TBCK: variants seen among roughly 807,000 people sequenced by gnomAD.
TBCK encodes the protein TBC1 domain containing kinase.
TBCK carries 99 observed loss-of-function variants against 113.4 expected under a neutral mutation model. The observed-to-expected ratio is 0.87, with a 90% CI of 0.74 to 1.03. The LOEUF is 1.03. TBCK is among the 50% of genes least tolerant of loss of function. The pLI is 0.00. For missense variants in TBCK, 1,045 were observed against 1,061.3 expected (o/e 0.98, Z 0.21); for synonymous variants, 369 against 370.8 (o/e 1.00, Z 0.05).
chr4:106,271,633 T>A (rs1195769953), intron 3 of TBCK, among the ~76,000 whole-genome samples: 2 of 151,388 alleles, frequency 1.3e-5, no homozygotes, highest in Non-Finnish European at 2.9e-5. Flanking sequence ...GAGCCTGTAA[T>A]CCCAGCTACT....
At chr4:106,118,272 T>C (rs1170432515) in intron 23 of TBCK, among the ~76,000 whole-genome samples, 2 of 152,180 alleles carry the variant, frequency 1.3e-5, no homozygotes, top group African/African-American at 4.8e-5. Context: ...TGGTTTTCAA[T>C]TGGAGTTTCA....
chr4:106,242,339 G>A, intron 12 of TBCK, 131 bp downstream of exon 12: 1 of 510,632 alleles, frequency 2.0e-6, no homozygotes. Context: ...ATTCTACTCT[G>A]GGGCACATAT....
In TBCK at chr4:106,241,597, A is replaced by C. The variant is rs544784653; in HGVS notation, c.1170+873T>G. ...CCCAGAAACATATCCATATACATAGAAAAAGTTGGTATTATAGATCAAAAA... is the reference window on the plus strand; with the variant it reads ...CCCAGAAACATATCCATATACATAGCAAAAGTTGGTATTATAGATCAAAAA... On this transcript the variant is annotated intron_variant, in intron 12 of 25. Transcript: ENST00000394708. Among the ~76,000 whole-genome samples the C allele has an allele frequency of 5.4e-4, 82 of 152,128 alleles. 1 individual carries two copies. Among genetic ancestry groups the C allele is most frequent in the Non-Finnish European group, 5.4e-4 (37 of 67,924 alleles).
chr4:106,240,873 G>C (rs796339315), intron 12 of TBCK, among the ~76,000 whole-genome samples: 8 of 152,130 alleles, frequency 5.3e-5, no homozygotes, highest in African/African-American at 1.9e-4. Context: ...ATAGAATCTA[G>C]GTCAGGGATT....
At chr4:106,298,009 T>C (rs1444366308) in intron 2 of TBCK, among the ~76,000 whole-genome samples, 1 of 152,200 alleles carries the variant, frequency 6.6e-6, no homozygotes, top group Admixed American at 6.5e-5. Context: ...TATTCAGGGC[T>C]CAGTTAAATG....
chr4:106,125,594 T>C (rs901909169), intron 23 of TBCK, among the ~76,000 whole-genome samples: 15 of 152,150 alleles, frequency 9.9e-5, no homozygotes, highest in South Asian at 2.1e-4. Context: ...TTAAGTGAAA[T>C]AAGCCAGGCA....
chr4:106,075,867 G>C (rs1312956938), intron 25 of TBCK, among the ~76,000 whole-genome samples: 1 of 152,186 alleles, frequency 6.6e-6, no homozygotes, highest in Non-Finnish European at 1.5e-5. Context: ...GTTTATTTCA[G>C]GTCTTGCTTT....
intron 23 of TBCK, among the ~76,000 whole-genome samples, chr4:106,165,751 G>T (rs958431085): frequency 6.6e-6 from 1 of 151,678 alleles, no homozygotes; most frequent in African/African-American, 2.4e-5. Flanking sequence ...CCCTGCCAGG[G>T]TGGTATTATT....
At chr4:106,271,179 G>C (rs1207555831) in intron 3 of TBCK, among the ~76,000 whole-genome samples, 1 of 152,046 alleles carries the variant, frequency 6.6e-6, no homozygotes, top group East Asian at 1.9e-4. Context: ...TAGACTTTCA[G>C]TTCTCAATAC....
chr4:106,216,162 A>C (rs1756886813), intron 19 of TBCK, among the ~76,000 whole-genome samples: 1 of 151,986 alleles, frequency 6.6e-6, no homozygotes, highest in Non-Finnish European at 1.5e-5. Flanking sequence ...TGTTCTTTGA[A>C]ACCAACGAGA....
At chr4:106,190,902 G>A (rs1392442340) in intron 22 of TBCK, among the ~76,000 whole-genome samples, 9 of 152,050 alleles carry the variant, frequency 5.9e-5, no homozygotes, top group Non-Finnish European at 1.2e-4. Context: ...CACCACGCCC[G>A]TCTAATTTGT....
intron 20 of TBCK, among the ~76,000 whole-genome samples, chr4:106,197,349 T>G (rs1446457299): frequency 1.3e-5 from 2 of 148,702 alleles, no homozygotes; most frequent in East Asian, 3.9e-4. Context: ...AGAGTGTGTG[T>G]GTGTGTGTGT....
At chr4:106,243,899 C>A (rs973357789) in intron 11 of TBCK, among the ~76,000 whole-genome samples, 4 of 151,978 alleles carry the variant, frequency 2.6e-5, no homozygotes, top group African/African-American at 9.7e-5. Flanking sequence ...GTTGCCCAGG[C>A]TGATCTCAAA....
chr4:106,228,552 A>G (rs564500895), intron 19 of TBCK, among the ~76,000 whole-genome samples: 3 of 151,888 alleles, frequency 2.0e-5, no homozygotes, highest in Non-Finnish European at 4.4e-5. Flanking sequence ...AGTTCCAACC[A>G]TGTTGTTGAA....
chr4:106,082,956 A>G (rs935240136), intron 25 of TBCK, among the ~76,000 whole-genome samples: 2 of 152,254 alleles, frequency 1.3e-5, no homozygotes, highest in African/African-American at 4.8e-5. Flanking sequence ...TGTGCAACCC[A>G]TGGATTGGAA....
chr4:106,247,576 C>T (rs10516533), intron 9 of TBCK: 34,650 of 240,060 alleles, frequency 0.14, 3,001 homozygotes, highest in South Asian at 0.23. Flanking sequence ...TAGCATTCAC[C>T]TGCTTTACTG....
At chr4:106,264,979 TC>T (rs1762849996) in intron 3 of TBCK, among the ~76,000 whole-genome samples, 1 of 151,938 alleles carries the variant, frequency 6.6e-6, no homozygotes, top group African/African-American at 2.4e-5. Context: ...GTTGCAGACA[TC>T]CTGTCACTCT....
rs567492031 is a variant in TBCK, at chr4:106,172,436, G to A, written c.2060-1166C>T. On this transcript the variant is annotated intron_variant, in intron 22 of 25. Coordinates refer to ENST00000394708, the MANE Select transcript of TBCK (RefSeq NM_001163435.3). Reference sequence around the variant, plus strand: ...GAAAGTAGAAAGATCACAGAAAGGCGGAGAAATTCAAGAAGTTGACTGTGA... The same window carrying A: ...GAAAGTAGAAAGATCACAGAAAGGCAGAGAAATTCAAGAAGTTGACTGTGA... 9.2e-5 allele frequency among the ~76,000 whole-genome samples: 14 copies of A among 152,186 alleles called. No individual in the cohort carries two copies. In the South Asian group the frequency reaches 1.9e-3, roughly 20 times the overall value.
chr4:106,256,799 A>G (rs929046189), intron 5 of TBCK, among the ~76,000 whole-genome samples: 4 of 152,156 alleles, frequency 2.6e-5, no homozygotes, highest in African/African-American at 7.2e-5. Flanking sequence ...ACTGCCATCA[A>G]TACCTGATTT....
Sources: gnomAD v4.1 joint callset for allele counts (sites outside exome capture counted in the v4.1 genomes callset) on GRCh38, gnomAD v4.1.1 for gene constraint, MANE v1.5 for transcripts, NCBI Gene and HGNC (gene_info 2026-07-23, HGNC 2026-07-21) for gene names.